The following NUP205 variants were observed in gnomAD, a reference collection of about 807,000 sequenced individuals.
NUP205 encodes the protein nuclear pore complex protein Nup205.
A neutral mutation model predicts 253.8 loss-of-function variants in NUP205; 76 were observed. The ratio of observed to expected loss-of-function variants is 0.30; its 90% CI spans 0.25 to 0.36. The LOEUF (loss-of-function observed/expected upper bound fraction) is 0.36, where lower values mean the gene tolerates loss of function less well. Ranked by LOEUF, NUP205 falls within the 10% of genes least tolerant of loss-of-function variation. NUP205 has a pLI of 1.00. For synonymous variants in NUP205, 832 were observed against 850.1 expected, an observed-to-expected ratio of 0.98 and a Z score of 0.37; for missense variants, 2,162 against 2,425.5, an observed-to-expected ratio of 0.89 and a Z score of 2.28.
chr7:135,581,721 C>T (rs1285370720), intron 7 of NUP205, among the ~76,000 whole-genome samples: 3 of 151,536 alleles, frequency 2.0e-5, no homozygotes, highest in East Asian at 1.9e-4. Flanking sequence ...AGCATGGTGG[C>T]GCGTGCCTGT....
intron 36 of NUP205, among the ~76,000 whole-genome samples, chr7:135,636,060 T>G (rs895610194): frequency 6.6e-5 from 10 of 152,176 alleles, no homozygotes; most frequent in Non-Finnish European, 8.8e-5. Flanking sequence ...GTTTTCTTTT[T>G]TATTTGCTTG....
intron 10 of NUP205, among the ~76,000 whole-genome samples, chr7:135,588,818 G>A (rs893588412): frequency 1.3e-5 from 2 of 151,394 alleles, no homozygotes; most frequent in African/African-American, 4.9e-5. Context: ...ATGGCAAAAT[G>A]CCTATGAGTC....
chr7:135,603,104 T>G (rs1793998074), intron 18 of NUP205, 110 bp downstream of exon 18: 1 of 617,954 alleles, frequency 1.6e-6, no homozygotes, highest in East Asian at 3.1e-5. Context: ...TATTTTTGCC[T>G]CATTTTACTT....
chr7:135,616,179 T>C, intron 24 of NUP205, 114 bp downstream of exon 24: 4 of 951,522 alleles, frequency 4.2e-6, no homozygotes, highest in Non-Finnish European at 3.0e-6. Context: ...TTCTCACTTT[T>C]AGAATTTTTT....
chr7:135,582,241 C>T (rs950660842), intron 7 of NUP205, among the ~76,000 whole-genome samples: 1 of 152,022 alleles, frequency 6.6e-6, no homozygotes, highest in African/African-American at 2.4e-5. Context: ...GTCAAGATCG[C>T]ACCACTGCAC....
chr7:135,592,999 A>C lies in NUP205; in HGVS notation c.1637A>C (p.Gln546Pro). The C allele has an allele frequency of 6.2e-7, 1 of 1,611,454 alleles. No individual in the cohort carries two copies. Among genetic ancestry groups the C allele is most frequent in the Non-Finnish European group, 8.5e-7 (1 of 1,177,690 alleles). ...TTTTTCTTTATAGTTGAAAATATTCAGGGAGCAGGTGGCAGTCCTGTTTCC... is the reference window on the plus strand; with the variant it reads ...TTTTTCTTTATAGTTGAAAATATTCCGGGAGCAGGTGGCAGTCCTGTTTCC... Reference protein sequence around the residue: ...VNGSSHVENIQGAGGSPVSWE... With the variant: ...VNGSSHVENIPGAGGSPVSWE... The change falls in exon 12 of 43, where the codon CAG becomes CCG. Residue 546 changes from glutamine (Q) to proline (P), a missense_variant. Physicochemically the swap from Gln to Pro is moderately conservative, Grantham distance 76. This residue lies in a region of NUP205 where 892 missense variants were observed against 957.1 expected (regional missense o/e 0.93). Coordinates refer to ENST00000285968, the MANE Select transcript of NUP205 (RefSeq NM_015135.3).
chr7:135,624,621 C>G (rs1034779098), intron 31 of NUP205, among the ~76,000 whole-genome samples: 1 of 152,114 alleles, frequency 6.6e-6, no homozygotes, highest in Non-Finnish European at 1.5e-5. Context: ...TCGTGATCCA[C>G]CCGCCTTGGC....
intron 12 of NUP205, among the ~76,000 whole-genome samples, chr7:135,594,331 A>G (rs2129490344): frequency 6.6e-6 from 1 of 152,280 alleles, no homozygotes; most frequent in South Asian, 2.1e-4. Flanking sequence ...GTAATTCTAC[A>G]AAGTCTATAT....
chr7:135,639,784 A>G (rs1794884967), intron 38 of NUP205, among the ~76,000 whole-genome samples: 1 of 152,218 alleles, frequency 6.6e-6, no homozygotes, highest in South Asian at 2.1e-4. Context: ...CACTATTTAC[A>G]ATAGCAAAGA....
intron 1 of NUP205, among the ~76,000 whole-genome samples, chr7:135,566,890 A>G (rs1215573862): frequency 6.6e-6 from 1 of 151,500 alleles, no homozygotes; most frequent in Non-Finnish European, 1.5e-5. Flanking sequence ...GGTGCGCACC[A>G]CCATGCCTGG....
chr7:135,645,963 A>G (rs1024862998), intron 41 of NUP205, 195 bp from the exon 42 acceptor site: 1 of 595,014 alleles, frequency 1.7e-6, no homozygotes, highest in African/African-American at 1.9e-5. Context: ...AAATAGAGAA[A>G]AGCTGAGAAC....
intron 35 of NUP205, among the ~76,000 whole-genome samples, chr7:135,633,022 A>C (rs1794743906): frequency 6.6e-6 from 1 of 151,154 alleles, no homozygotes; most frequent in African/African-American, 2.4e-5. Context: ...CTGGAGTGCA[A>C]AGCTGCAATC....
At chr7:135,562,835 C>T (rs1055113503) in intron 1 of NUP205, among the ~76,000 whole-genome samples, 4 of 152,248 alleles carry the variant, frequency 2.6e-5, no homozygotes, top group Non-Finnish European at 5.9e-5. Context: ...TGAGCCACCA[C>T]ACTCGGTCAT....
At chr7:135,562,888 T>C (rs181773490) in intron 1 of NUP205, among the ~76,000 whole-genome samples, 1 of 152,328 alleles carries the variant, frequency 6.6e-6, no homozygotes, top group East Asian at 1.9e-4. Context: ...TGTGATGATC[T>C]TGCCAAACCC....
chr7:135,591,557 C>G lies in NUP205; in HGVS notation c.1581C>G (p.Ala527=). 1.2e-6 allele frequency: 2 copies of G among 1,613,906 alleles called. No homozygotes were observed. The highest frequency in any genetic ancestry group is 1.7e-6 in the Non-Finnish European group (2 of 1,179,936). Residue 527 remains alanine (A), a synonymous_variant, in exon 11 of 43, where the codon GCC becomes GCG. Transcript: ENST00000285968. ...GATTGGCCAATGGGCCTCAGTGTGC[C>G]CACTACTGTTTCAGCCTGCTCAAAG... ...LQGLANGPQC[A]HYCFSLLKVN...
chr7:135,597,647 T>C, intron 14 of NUP205: 1 of 447,458 alleles, frequency 2.2e-6, no homozygotes, highest in Admixed American at 3.8e-5. Context: ...ACCATCCAAA[T>C]GGAAAATTCT....
intron 1 of NUP205, 78 bp downstream of exon 1, chr7:135,558,050 C>T (rs968751723): frequency 8.6e-6 from 11 of 1,276,764 alleles, no homozygotes; most frequent in South Asian, 3.6e-5. Context: ...CGTGAGGTTT[C>T]TCGGAGTCTA....
At chr7:135,571,028 T>C (rs1488523959) in intron 1 of NUP205, 77 bp from the exon 2 acceptor site, 62 of 1,125,466 alleles carry the variant, frequency 5.5e-5, no homozygotes, top group Non-Finnish European at 7.3e-5. Flanking sequence ...GTAACTAAAA[T>C]GTGTGGATGG....
At position 135,607,345 on chromosome 7, in the gene NUP205, C is replaced by T. The variant is rs1320253948; in HGVS notation, c.3169C>T (p.Pro1057Ser). The change falls in exon 22 of 43, where the codon CCT becomes TCT. Residue 1057 changes from proline to serine, a missense_variant. Around this residue, in one of 5 missense-constraint regions of NUP205, gnomAD observed 1,144 missense variants for 1,280.9 expected, o/e 0.89. Transcript: ENST00000285968. Reference protein sequence around the residue: ...RTGPVAVRESPQLAELCYQVI... With the variant: ...RTGPVAVRESSQLAELCYQVI... ...AGGCCCAGTGGCGGTGCGAGAATCTCCTCAGCTGGCTGAGCTATGTTACCA... is the reference window on the plus strand; with the variant it reads ...AGGCCCAGTGGCGGTGCGAGAATCTTCTCAGCTGGCTGAGCTATGTTACCA... The T allele has an allele frequency of 3.1e-6, 5 of 1,613,978 alleles. No homozygotes were observed. The Admixed American group carries it at 5.0e-5, about 16-fold the overall frequency.
Sources: allele counts gnomAD v4.1 joint callset (sites outside exome capture counted in the v4.1 genomes callset), GRCh38; gene constraint gnomAD v4.1.1; regional missense constraint gnomAD v4.1.1; transcripts MANE v1.5; gene names NCBI Gene and HGNC (gene_info 2026-07-23, HGNC 2026-07-21).